Variants in SHANK2 observed in about 807,000 individuals in gnomAD.
SHANK2 encodes SH3 and multiple ankyrin repeat domains protein 2.
A neutral mutation model predicts 133.7 loss-of-function variants in SHANK2; 43 were observed. The ratio of observed to expected loss-of-function variants is 0.32; its 90% confidence interval spans 0.25 to 0.41. The LOEUF is 0.41. Ranked by LOEUF, SHANK2 falls within the 10% of genes least tolerant of loss-of-function variation. The pLI is 1.00. For missense variants in SHANK2, 1,994 were observed against 2,235.8 expected (o/e 0.89, Z 2.18); for synonymous variants, 1,017 against 952.8 (o/e 1.07, Z -1.24).
intron 17 of SHANK2, among the ~76,000 whole-genome samples, chr11:70,596,342 C>T (rs1246172995): frequency 1.3e-5 from 2 of 152,184 alleles, no homozygotes; most frequent in East Asian, 3.9e-4. Flanking sequence ...GGGGCATGGG[C>T]ACCAGTTCCG....
At chr11:71,238,298 C>G (rs1954847804) in intron 1 of SHANK2, among the ~76,000 whole-genome samples, 1 of 152,204 alleles carries the variant, frequency 6.6e-6, no homozygotes. Flanking sequence ...CCCAACAATC[C>G]AACACAGATA....
At chr11:70,511,680 G>T (rs554040824) in intron 17 of SHANK2, among the ~76,000 whole-genome samples, 1 of 152,290 alleles carries the variant, frequency 6.6e-6, no homozygotes, top group East Asian at 1.9e-4. Context: ...CAAAAAAAGA[G>T]TAATGTGCCT....
At chr11:70,724,675 G>A (rs1392173224) in intron 14 of SHANK2, among the ~76,000 whole-genome samples, 4 of 152,226 alleles carry the variant, frequency 2.6e-5, no homozygotes, top group African/African-American at 9.6e-5. Context: ...GGTGACTGCC[G>A]CCAACCACGT....
At chr11:70,600,693 T>A (rs1243087848) in intron 17 of SHANK2, among the ~76,000 whole-genome samples, 3 of 152,054 alleles carry the variant, frequency 2.0e-5, no homozygotes, top group African/African-American at 4.8e-5. Context: ...TGGAGAAAAG[T>A]GTTTTATTCC....
chr11:70,748,767 T>C (rs1946695874), intron 14 of SHANK2, among the ~76,000 whole-genome samples: 1 of 152,140 alleles, frequency 6.6e-6, no homozygotes, highest in African/African-American at 2.4e-5. Flanking sequence ...TGCTCATACC[T>C]ACACAGATGG....
chr11:70,631,692 T>C (rs1476992096), intron 17 of SHANK2: 1 of 152,436 alleles, frequency 6.6e-6, no homozygotes, highest in Non-Finnish European at 1.5e-5. Flanking sequence ...CATGACAAGC[T>C]GGGGTTATAA....
At chr11:70,899,634 C>A (rs1565393182) in intron 10 of SHANK2, among the ~76,000 whole-genome samples, 1 of 152,188 alleles carries the variant, frequency 6.6e-6, no homozygotes, top group East Asian at 1.9e-4. Context: ...TTCCTATAGC[C>A]CACCTCCAAC....
intron 17 of SHANK2, among the ~76,000 whole-genome samples, chr11:70,551,849 G>T (rs2059773675): frequency 6.6e-6 from 1 of 152,178 alleles, no homozygotes; most frequent in East Asian, 1.9e-4. Context: ...TCTGTAGCAG[G>T]CACAGTCAGG....
chr11:71,182,903 A>G (rs1953588257), intron 2 of SHANK2, among the ~76,000 whole-genome samples: 2 of 152,220 alleles, frequency 1.3e-5, no homozygotes, highest in East Asian at 3.9e-4. Context: ...GGCATCATCC[A>G]TGCCTCTCTG....
chr11:71,169,495 A>G (rs1953263488), intron 2 of SHANK2, among the ~76,000 whole-genome samples: 1 of 152,224 alleles, frequency 6.6e-6, no homozygotes, highest in Non-Finnish European at 1.5e-5. Context: ...CACGCCTATA[A>G]TCCTAGCCAC....
chr11:70,880,148 C>G (rs1316460112), intron 11 of SHANK2, among the ~76,000 whole-genome samples: 2 of 152,200 alleles, frequency 1.3e-5, no homozygotes, highest in South Asian at 4.1e-4. Flanking sequence ...AGCTCACCTG[C>G]TAGCCTGGGC....
At chr11:70,554,118 A>T (rs1308698439) in intron 17 of SHANK2, among the ~76,000 whole-genome samples, 2 of 152,228 alleles carry the variant, frequency 1.3e-5, no homozygotes, top group Non-Finnish European at 2.9e-5. Context: ...CTGTGCTGAT[A>T]GGGGAGGAAC....
chr11:71,228,595 T>TA (rs1281337635), intron 1 of SHANK2, among the ~76,000 whole-genome samples: 2 of 152,086 alleles, frequency 1.3e-5, no homozygotes, highest in Non-Finnish European at 2.9e-5. Flanking sequence ...CTGTCTCTAC[T>TA]AAAAATACAA....
chr11:70,738,266 C>A (rs1247808595), intron 14 of SHANK2, among the ~76,000 whole-genome samples: 1 of 152,258 alleles, frequency 6.6e-6, no homozygotes, highest in African/African-American at 2.4e-5. Flanking sequence ...TCCGAGGAAA[C>A]CGCGTCTGGC....
At chr11:70,768,063 GT>G (rs1947162255) in intron 14 of SHANK2, among the ~76,000 whole-genome samples, 1 of 152,130 alleles carries the variant, frequency 6.6e-6, no homozygotes, top group Non-Finnish European at 1.5e-5. Context: ...TCTAGCTGGG[GT>G]GGGGGGGCTG....
chr11:71,057,918 T>G (rs1472268300), intron 9 of SHANK2, among the ~76,000 whole-genome samples: 2 of 149,556 alleles, frequency 1.3e-5, no homozygotes, highest in Non-Finnish European at 3.0e-5. Context: ...AAAACGGTTT[T>G]TTTTTTTTTT....
At chr11:70,927,211 A>T (rs566586111) in intron 10 of SHANK2, among the ~76,000 whole-genome samples, 1 of 152,232 alleles carries the variant, frequency 6.6e-6, no homozygotes. Context: ...TATTTTATAA[A>T]CAATAATACT....
chr11:70,654,673 C>T lies in SHANK2; in HGVS notation c.2061+5155G>A, dbSNP rs112166657. On this transcript the variant is annotated intron_variant, in intron 17 of 25. Transcript: ENST00000601538. ...ATGAATTCACAACAGATGTCCATTG[C>T]CACTGAACCATTCTCCTATTAGCCC... is the stretch of plus-strand genomic sequence containing the variant. Among the ~76,000 whole-genome samples, 8 of 152,234 alleles carry T rather than the reference C, an allele frequency of 5.3e-5. 1 individual carries two copies. The highest frequency in any genetic ancestry group is 1.9e-4 in the African/African-American group (8 of 41,546).
chr11:70,876,287 T>C (rs182137633), intron 11 of SHANK2, among the ~76,000 whole-genome samples: 5,836 of 114,180 alleles, frequency 0.051, 170 homozygotes, highest in Middle Eastern at 0.12. Flanking sequence ...CTTGGCTGGG[T>C]GCGGTGGCTC....
Sources: gnomAD v4.1 joint callset for allele counts (sites outside exome capture counted in the v4.1 genomes callset) on GRCh38, gnomAD v4.1.1 for gene constraint, MANE v1.5 for transcripts, NCBI Gene and HGNC (gene_info 2026-07-23, HGNC 2026-07-21) for gene names.